Variants in COLEC12 observed in about 807,000 individuals in gnomAD.
COLEC12 encodes collectin-12.
Under a neutral mutation model 71.1 loss-of-function variants are expected in COLEC12, and 33 were observed. The ratio of observed to expected loss-of-function variants is 0.46; its 90% CI spans 0.35 to 0.62. COLEC12 has a LOEUF of 0.62. COLEC12 is among the 20% of genes least tolerant of loss of function. COLEC12 has a pLI of 0.00. For missense variants in COLEC12, 765 were observed against 916.1 expected, an observed-to-expected ratio of 0.84 and a Z score of 2.13; for synonymous variants, 350 against 353.0, an observed-to-expected ratio of 0.99 and a Z score of 0.10.
At chr18:452,390 G>T (rs1916779948) in intron 2 of COLEC12, among the ~76,000 whole-genome samples, 1 of 152,152 alleles carries the variant, frequency 6.6e-6, no homozygotes, top group Non-Finnish European at 1.5e-5. Context: ...TAATTGAGAT[G>T]AAACGGGGAG....
At chr18:338,657 T>C (rs763482318) in intron 5 of COLEC12, among the ~76,000 whole-genome samples, 28 of 152,154 alleles carry the variant, frequency 1.8e-4, no homozygotes, top group Non-Finnish European at 2.5e-4. Context: ...GCCAGATCTA[T>C]CTCCTTTAAA....
intron 2 of COLEC12, among the ~76,000 whole-genome samples, chr18:448,800 A>G (rs886071517): frequency 1.3e-5 from 2 of 152,254 alleles, no homozygotes. Flanking sequence ...AGACCATTTT[A>G]AAGAGTTCAA....
chr18:387,894 T>C (rs183401917), intron 2 of COLEC12, among the ~76,000 whole-genome samples: 1 of 152,352 alleles, frequency 6.6e-6, no homozygotes, highest in African/African-American at 2.4e-5. Context: ...GATTACTTTT[T>C]ATGCAACTGA....
chr18:333,084 C>T lies in COLEC12; in HGVS notation c.1876G>A (p.Glu626Lys), dbSNP rs1019030990. The change falls in exon 7 of 10, where the codon GAA (glutamate) becomes AAA (lysine). Residue 626 changes from glutamate to lysine, a missense_variant. Coordinates refer to ENST00000400256, the MANE Select transcript of COLEC12 (RefSeq NM_130386.3). ...DKCYYFSVEK[E>K]IFEDAKLFCE... ...AAAAGCTTTGCATCCTCAAAAATTT[C>T]TTTCTCAACTGAAAAATAGTAGCAT... 4 of 1,612,286 alleles carry T rather than the reference C, an allele frequency of 2.5e-6. No homozygotes were observed. Among genetic ancestry groups the T allele is most frequent in the Non-Finnish European group, 3.4e-6 (4 of 1,179,258 alleles).
chr18:348,993 G>A (rs1475472863), intron 3 of COLEC12, among the ~76,000 whole-genome samples: 1 of 152,152 alleles, frequency 6.6e-6, no homozygotes, highest in African/African-American at 2.4e-5. Flanking sequence ...TACTGTTCTG[G>A]TGGTAGTGAA....
At chr18:472,678 CAAAAAAAAAA>C (rs765169609) in intron 2 of COLEC12, among the ~76,000 whole-genome samples, 25 of 93,644 alleles carry the variant, frequency 2.7e-4, no homozygotes, top group Admixed American at 4.0e-4. Flanking sequence ...GGCCCTGTGA[CAAAAAAAAAA>C]AAAAAAAAAA....
chr18:498,928 AAAAAGC>A (rs1452323900), intron 1 of COLEC12, among the ~76,000 whole-genome samples: 2 of 152,206 alleles, frequency 1.3e-5, no homozygotes, highest in Non-Finnish European at 2.9e-5. Flanking sequence ...TTTACCCAGT[AAAAAGC>A]ATAACAAAAG....
At chr18:490,926 C>T (rs8097359) in intron 1 of COLEC12, among the ~76,000 whole-genome samples, 16,632 of 152,238 alleles carry the variant, frequency 0.11, 1,007 homozygotes, top group African/African-American at 0.15. Flanking sequence ...CATATGAGTA[C>T]CCATTGGTTG....
intron 2 of COLEC12, among the ~76,000 whole-genome samples, chr18:393,220 G>A (rs1189405418): frequency 6.6e-6 from 1 of 152,202 alleles, no homozygotes; most frequent in African/African-American, 2.4e-5. Flanking sequence ...AAAATTGCTA[G>A]TGCGGGGATA....
Position 346,676 on chromosome 18 carries a change from C to T in COLEC12, c.946G>A (p.Asp316Asn). 6.2e-7 allele frequency: 1 copy of T among 1,614,180 alleles called. No individual in the cohort carries two copies. The highest frequency in any genetic ancestry group is 8.5e-7 in the Non-Finnish European group (1 of 1,180,040). Residue 316 changes from aspartate to asparagine, a missense_variant, in exon 5 of 10, where the codon GAC (aspartate) becomes AAC (asparagine). Coordinates refer to ENST00000400256, the MANE Select transcript of COLEC12 (RefSeq NM_130386.3). The surrounding 1 kb of genome is among the most constrained non-coding windows in gnomAD (Gnocchi z 4.0). ...CTATTCTCTGCATCTTTGTGTAAGT[C>T]CTGCAGGTCTTTCAGGTTCTGCTCG... ...ANEQNLKDLQ[D>N]LHKDAENRTA... is the part of the protein sequence containing the mutation.
intron 5 of COLEC12, among the ~76,000 whole-genome samples, chr18:340,400 CCCCACGGTCCCCAGG>C (rs1914224286): frequency 6.6e-6 from 1 of 152,144 alleles, no homozygotes; most frequent in Non-Finnish European, 1.5e-5. Flanking sequence ...GACACCTCTA[CCCCACGGTCCCCAGG>C]CCCACGGTTC....
At chr18:494,421 T>G (rs1211786547) in intron 1 of COLEC12, among the ~76,000 whole-genome samples, 1 of 143,230 alleles carries the variant, frequency 7.0e-6, no homozygotes, top group Non-Finnish European at 1.5e-5. Context: ...TAGCCACCAT[T>G]CTAAACAACT....
intron 2 of COLEC12, among the ~76,000 whole-genome samples, chr18:479,797 C>T (rs1917377694): frequency 6.6e-6 from 1 of 151,938 alleles, no homozygotes; most frequent in Non-Finnish European, 1.5e-5. Context: ...TTTCCTGCGG[C>T]TGCTGTAAAA....
chr18:375,867 C>T (rs1471473851), intron 2 of COLEC12, among the ~76,000 whole-genome samples: 1 of 152,144 alleles, frequency 6.6e-6, no homozygotes, highest in Non-Finnish European at 1.5e-5. Flanking sequence ...TGAATTAATG[C>T]CTGTAAAACA....
At chr18:330,911 G>A (rs1188138128) in intron 8 of COLEC12, among the ~76,000 whole-genome samples, 1 of 123,234 alleles carries the variant, frequency 8.1e-6, no homozygotes, top group African/African-American at 3.0e-5. Context: ...ATAGAGTCTT[G>A]CTCTGTGGCC....
chr18:385,026 T>C (rs530333486), intron 2 of COLEC12, among the ~76,000 whole-genome samples: 14 of 152,342 alleles, frequency 9.2e-5, no homozygotes, highest in Admixed American at 7.2e-4. Flanking sequence ...TATCTGCTGA[T>C]TTAAGAAGGC....
At chr18:491,790 C>A (rs899499199) in intron 1 of COLEC12, among the ~76,000 whole-genome samples, 1 of 152,168 alleles carries the variant, frequency 6.6e-6, no homozygotes, top group Non-Finnish European at 1.5e-5. Flanking sequence ...TTTATCTTAA[C>A]GTATTTTGGG....
chr18:440,149 T>TA (rs1009866398), intron 2 of COLEC12, among the ~76,000 whole-genome samples: 169 of 143,442 alleles, frequency 1.2e-3, no homozygotes, highest in African/African-American at 2.9e-3. Flanking sequence ...GTGGAATCTT[T>TA]AAAAAAAAAA....
chr18:425,853 C>G (rs1305096969), intron 2 of COLEC12, among the ~76,000 whole-genome samples: 1 of 152,178 alleles, frequency 6.6e-6, no homozygotes, highest in Non-Finnish European at 1.5e-5. Context: ...ATCTCTTGTT[C>G]CACAGCCTCC....
Sources: gnomAD v4.1 joint callset for allele counts (sites outside exome capture counted in the v4.1 genomes callset) on GRCh38, gnomAD v4.1.1 for gene constraint, Gnocchi (gnomAD v3.1) non-coding constraint, MANE v1.5 for transcripts, NCBI Gene and HGNC (gene_info 2026-07-23, HGNC 2026-07-21) for gene names.